Variants in SSTR3 observed in about 807,000 individuals in gnomAD.
The protein encoded by SSTR3 is somatostatin receptor type 3.
For missense variants in SSTR3, 504 were observed against 604.7 expected (o/e 0.83, Z 1.75); for synonymous variants, 281 against 269.2 (o/e 1.04, Z -0.43).
In SSTR3 at chr22:37,204,564, A is replaced by G. The variant is rs537555558; in HGVS notation, c.*1983T>C. Reference sequence around the variant, plus strand: ...CTAACCCTTGGCCTCTGACCCCCCAACTGCCCATTTCTCATGGCCTACAGT... The same window carrying G: ...CTAACCCTTGGCCTCTGACCCCCCAGCTGCCCATTTCTCATGGCCTACAGT... On this transcript the variant is annotated 3_prime_UTR_variant, in exon 2 of 2. Transcript: ENST00000610913. 1.3e-5 allele frequency: 2 copies of G among 152,206 alleles called. No individual in the cohort carries two copies. Among genetic ancestry groups the G allele is most frequent in the South Asian group, 2.1e-4 (1 of 4,826 alleles). The allele number at this position is 152,206 out of a possible 1,614,324, so 9.4% of individuals were successfully genotyped here. A position where few individuals can be genotyped will look rare whatever the true frequency, so the allele number is the denominator to read the frequency against.
At chr22:37,216,524 A>G (rs945275952), upstream of SSTR3, among the ~76,000 whole-genome samples, 1 of 152,220 alleles carries the variant, frequency 6.6e-6, no homozygotes, top group Non-Finnish European at 1.5e-5. Flanking sequence ...TGGACTAAGC[A>G]TTTCCACACG....
intron 1 of SSTR3, among the ~76,000 whole-genome samples, chr22:37,209,553 A>T (rs1023820343): frequency 1.3e-5 from 2 of 152,322 alleles, no homozygotes; most frequent in East Asian, 3.9e-4. Flanking sequence ...AGAGGATCCT[A>T]ACAGTGCTGC....
chr22:37,218,482 G>A, the SSTR3 span, among the ~76,000 whole-genome samples: 2 of 152,218 alleles, frequency 1.3e-5, no homozygotes, highest in Non-Finnish European at 2.9e-5. Context: ...TTGAACCCAG[G>A]AGGTGGAGGT....
upstream of SSTR3, among the ~76,000 whole-genome samples, chr22:37,212,954 A>G (rs533865876): frequency 7.5e-4 from 114 of 152,340 alleles, 1 homozygote; most frequent in Middle Eastern, 6.8e-3. Context: ...GGGCAAAATC[A>G]TTGTGCAGTG....
chr22:37,206,964 G>A lies in SSTR3; in HGVS notation c.840C>T (p.Asn280=), dbSNP rs770081383. ...WMPFYVLNIV[N]VVCPLPEEPA... ...GCTCCTCGGGCAGTGGGCACACCAC[G>A]TTGACGATGTTGAGCACGTAGAAGG... Residue 280 remains asparagine (N), a synonymous_variant, in exon 2 of 2, where the codon AAC becomes AAT. Transcript: ENST00000610913. The A allele has an allele frequency of 2.4e-5, 38 of 1,612,330 alleles. No homozygotes were observed. Among genetic ancestry groups the A allele is most frequent in the African/African-American group, 6.7e-5 (5 of 74,924 alleles).
chr22:37,210,166 A>G (rs1926104546), intron 1 of SSTR3, among the ~76,000 whole-genome samples: 1 of 152,190 alleles, frequency 6.6e-6, no homozygotes, highest in African/African-American at 2.4e-5. Flanking sequence ...CCAGGGCTAG[A>G]TGAGGGAGGG....
chr22:37,207,858 G>C lies in SSTR3; in HGVS notation c.-36-19C>G, dbSNP rs2145802047. The stretch of plus-strand genomic sequence containing the variant: ...TATTTGCCTGGGGGAAGGAAAAACA[G>C]CTCGGTCACAGCAGAGAATGGCTTT... On this transcript the variant is annotated intron_variant, in intron 1 of 1. Transcript: ENST00000610913. The C allele has an allele frequency of 6.8e-7, 1 of 1,466,256 alleles. No individual in the cohort carries two copies. The highest frequency in any genetic ancestry group is 1.5e-5 in the South Asian group (1 of 68,750). 90.8% of individuals were successfully genotyped at this position (1,466,256 alleles called of 1,614,324 possible).
intron 1 of SSTR3, among the ~76,000 whole-genome samples, chr22:37,208,063 C>T (rs1314589629): frequency 1.3e-5 from 2 of 152,172 alleles, no homozygotes; most frequent in African/African-American, 4.8e-5. Flanking sequence ...AACTGAGGCT[C>T]AGGGAGGTGA....
At chr22:37,217,576 T>A in the SSTR3 span, among the ~76,000 whole-genome samples, 1 of 152,180 alleles carries the variant, frequency 6.6e-6, no homozygotes, top group Non-Finnish European at 1.5e-5. Flanking sequence ...TATAATTTTG[T>A]TCTACTTCCT....
At chr22:37,218,423 C>A in the SSTR3 span, among the ~76,000 whole-genome samples, 3 of 152,082 alleles carry the variant, frequency 2.0e-5, no homozygotes, top group Admixed American at 2.0e-4. Flanking sequence ...GGCGTGGTGG[C>A]GCATGCCTGT....
intron 1 of SSTR3, chr22:37,210,827 C>T: frequency 1.0e-6 from 1 of 985,524 alleles, no homozygotes; most frequent in East Asian, 1.1e-4. Flanking sequence ...CTCTTGAAGG[C>T]AGGGGCCCTG....
chr22:37,214,841 C>T (rs994038242), upstream of SSTR3, among the ~76,000 whole-genome samples: 15 of 152,174 alleles, frequency 9.9e-5, no homozygotes, highest in East Asian at 1.7e-3. Context: ...CCTCAGCCTG[C>T]GCTTCCGCCA....
Position 37,204,546 on chromosome 22 carries a change from T to G in SSTR3, c.*2001A>C, listed in dbSNP as rs969556354. On this transcript the variant is annotated 3_prime_UTR_variant, in exon 2 of 2. Coordinates refer to ENST00000610913, the MANE Select transcript of SSTR3 (RefSeq NM_001051.5). ...TCCCCAAGCCCTGCCTCCCTAACCC[T>G]TGGCCTCTGACCCCCCAACTGCCCA... The G allele has an allele frequency of 3.9e-5, 6 of 152,324 alleles. No individual in the cohort carries two copies. Among genetic ancestry groups the G allele is most frequent in the African/African-American group, 1.4e-4 (6 of 41,426 alleles). The allele number at this position is 152,324 out of a possible 1,614,324, so 9.4% of individuals were successfully genotyped here. A position where few individuals can be genotyped will look rare whatever the true frequency, so the allele number is the denominator to read the frequency against.
intron 1 of SSTR3, among the ~76,000 whole-genome samples, chr22:37,210,236 G>T (rs1926110464): frequency 6.6e-6 from 1 of 152,230 alleles, no homozygotes. Flanking sequence ...AGGCTTCAGG[G>T]ACATATGCCC....
At chr22:37,218,281 G>A in the SSTR3 span, among the ~76,000 whole-genome samples, 3 of 152,324 alleles carry the variant, frequency 2.0e-5, no homozygotes, top group Admixed American at 2.0e-4. Context: ...TTAAGCCCGG[G>A]CATGGTGGCT....
chr22:37,214,842 G>A (rs968330847), upstream of SSTR3, among the ~76,000 whole-genome samples: 1 of 152,232 alleles, frequency 6.6e-6, no homozygotes, highest in East Asian at 1.9e-4. Context: ...CTCAGCCTGC[G>A]CTTCCGCCAC....
At chr22:37,211,481 T>A (rs937917904) in intron 1 of SSTR3, among the ~76,000 whole-genome samples, 1 of 152,138 alleles carries the variant, frequency 6.6e-6, no homozygotes, top group Non-Finnish European at 1.5e-5. Context: ...TTTGCAGAGA[T>A]TAAACGGAGG....
the SSTR3 span, among the ~76,000 whole-genome samples, chr22:37,220,156 C>T: frequency 9.9e-5 from 15 of 152,040 alleles, no homozygotes; most frequent in Non-Finnish European, 1.8e-4. Context: ...AACAGAGGCA[C>T]CAAGAGAGAA....
At chr22:37,208,096 G>T (rs1925964105) in intron 1 of SSTR3, among the ~76,000 whole-genome samples, 1 of 152,210 alleles carries the variant, frequency 6.6e-6, no homozygotes, top group Non-Finnish European at 1.5e-5. Context: ...CCATCGTGGA[G>T]TGAGGGTGTG....
Sources: allele counts gnomAD v4.1 joint callset (sites outside exome capture counted in the v4.1 genomes callset), GRCh38; gene constraint gnomAD v4.1.1; transcripts MANE v1.5; gene names NCBI Gene and HGNC (gene_info 2026-07-23, HGNC 2026-07-21).